The following SLIT2 variants were observed in gnomAD, a reference collection of about 807,000 sequenced individuals.
SLIT2 encodes the protein slit homolog 2 protein.
A neutral mutation model predicts 185.7 loss-of-function variants in SLIT2; 41 were observed. The ratio of observed to expected loss-of-function variants is 0.22; its 90% confidence interval spans 0.17 to 0.29. SLIT2 has a LOEUF of 0.29. Ranked by LOEUF, SLIT2 falls within the 10% of genes least tolerant of loss-of-function variation. The pLI, the probability that SLIT2 is intolerant of heterozygous loss-of-function variation, is 1.00. For synonymous variants in SLIT2, 693 were observed against 680.2 expected (o/e 1.02, Z -0.29); for missense variants, 1,571 against 1,909.0 (o/e 0.82, Z 3.30).
chr4:20,554,399 G>A (rs1358112366), intron 26 of SLIT2: 1 of 454,564 alleles, frequency 2.2e-6, no homozygotes, highest in African/African-American at 2.0e-5. Context: ...CGCCTTATGT[G>A]CTGCAGCCTT....
rs2108998334 is a variant in SLIT2, at chr4:20,252,820, C to G, written c.-996C>G. Among the ~76,000 whole-genome samples the G allele has an allele frequency of 6.6e-6, 1 of 152,318 alleles. No individual in the cohort carries two copies. Among genetic ancestry groups the G allele is most frequent in the South Asian group, 2.1e-4 (1 of 4,830 alleles). On this transcript the variant is annotated 5_prime_UTR_variant, in exon 1 of 37. Transcript: ENST00000504154. ...CCAGCAGGACGCTGACACCTCCAAC[C>G]TTGGCCTTTGCCTTTCCACTCCTTC...
chr4:20,446,971 A>G (rs1394651341), intron 4 of SLIT2, among the ~76,000 whole-genome samples: 1 of 152,224 alleles, frequency 6.6e-6, no homozygotes, highest in Non-Finnish European at 1.5e-5. Flanking sequence ...GAACAAAGGC[A>G]GCAGAGAAAG....
At chr4:20,608,109 C>T (rs544769763) in intron 33 of SLIT2, among the ~76,000 whole-genome samples, 13 of 151,888 alleles carry the variant, frequency 8.6e-5, no homozygotes, top group African/African-American at 2.9e-4. Context: ...GGTGGGGGAC[C>T]GATATGATAG....
At chr4:20,538,801 A>AT (rs1192589930) in intron 18 of SLIT2, among the ~76,000 whole-genome samples, 2 of 145,996 alleles carry the variant, frequency 1.4e-5, no homozygotes, top group Non-Finnish European at 3.1e-5. Context: ...AAAAAAAGGT[A>AT]TTTTTTCATG....
chr4:20,420,760 C>G (rs1421811074), intron 4 of SLIT2, among the ~76,000 whole-genome samples: 1 of 151,996 alleles, frequency 6.6e-6, no homozygotes, highest in Non-Finnish European at 1.5e-5. Context: ...GAGGGGGGTA[C>G]TTGGGAGGCA....
At chr4:20,440,163 G>T (rs1370737817) in intron 4 of SLIT2, among the ~76,000 whole-genome samples, 4 of 147,798 alleles carry the variant, frequency 2.7e-5, no homozygotes, top group African/African-American at 4.9e-5. Flanking sequence ...TGTCATTCTG[G>T]CAGAACATCT....
chr4:20,490,857 T>C, intron 8 of SLIT2: 2 of 1,452,220 alleles, frequency 1.4e-6, no homozygotes, highest in Non-Finnish European at 1.9e-6. Context: ...ATTTTTGTAG[T>C]TTAAGAGCTT....
rs950126183 is a variant in SLIT2 at position 20,567,368 on chromosome 4, C to A, written c.2832C>A (p.Thr944=). ...ATCCAGTTGACTTTTACCGATGCAC[C>A]TGTCCATATGGTTTCAAGGTAAGTA... The part of the protein sequence containing the change: ...NSDPVDFYRC[T]CPYGFKGQDC... Residue 944 remains threonine, a synonymous_variant, in exon 27 of 37, where the codon ACC becomes ACA. Transcript: ENST00000504154. The A allele has an allele frequency of 6.2e-7, 1 of 1,613,212 alleles. No individual in the cohort carries two copies. Among genetic ancestry groups the A allele is most frequent in the African/African-American group, 1.3e-5 (1 of 74,968 alleles).
intron 4 of SLIT2, among the ~76,000 whole-genome samples, chr4:20,306,532 A>T (rs745437638): frequency 2.0e-5 from 3 of 152,200 alleles, no homozygotes; most frequent in Non-Finnish European, 2.9e-5. Flanking sequence ...CAAATTAGGA[A>T]GCTTGAGAAT....
At chr4:20,618,578 C>T (rs1462498497) in intron 36 of SLIT2, among the ~76,000 whole-genome samples, 190 bp from the exon 37 acceptor site, 2 of 152,160 alleles carry the variant, frequency 1.3e-5, no homozygotes, top group African/African-American at 2.4e-5. Context: ...ATAGCATTCA[C>T]TTTGCTGAAA....
chr4:20,492,417 A>G (rs1282680248), intron 9 of SLIT2, among the ~76,000 whole-genome samples: 1 of 152,230 alleles, frequency 6.6e-6, no homozygotes, highest in Non-Finnish European at 1.5e-5. Context: ...GTTTTAGCCT[A>G]TTTGAAGCAG....
At chr4:20,559,357 C>T (rs534700703) in intron 26 of SLIT2, among the ~76,000 whole-genome samples, 2 of 151,912 alleles carry the variant, frequency 1.3e-5, no homozygotes, top group African/African-American at 4.8e-5. Flanking sequence ...GTTGCAGTTG[C>T]GTTTAGAAGA....
chr4:20,385,890 T>C (rs1179064702), intron 4 of SLIT2, among the ~76,000 whole-genome samples: 1 of 152,186 alleles, frequency 6.6e-6, no homozygotes, highest in African/African-American at 2.4e-5. Context: ...CTTATTACTG[T>C]TTTTCTACTT....
chr4:20,472,598 CTA>C lies in SLIT2; in HGVS notation c.467+4778_467+4779del, dbSNP rs373022250. Among the ~76,000 whole-genome samples the C allele has an allele frequency of 1.0e-3, 8 of 7,782 alleles. 3 individuals carry two copies. The highest frequency in any genetic ancestry group is 0.016 in the South Asian group (2 of 124). 5.1% of individuals were successfully genotyped at this position (7,782 alleles called of 152,430 possible). On this transcript the variant is annotated intron_variant, in intron 5 of 36. Transcript: ENST00000504154. ...GATATATCTATATATAGATATATAT[CTA>C]TAGATATATCTATATATATCGATAT...
chr4:20,576,146 A>G (rs968535064), intron 29 of SLIT2, among the ~76,000 whole-genome samples: 3 of 152,236 alleles, frequency 2.0e-5, no homozygotes, highest in Non-Finnish European at 2.9e-5. Flanking sequence ...ATTTAATTCC[A>G]GCCATCATCA....
At chr4:20,373,682 A>T (rs1374467410) in intron 4 of SLIT2, among the ~76,000 whole-genome samples, 1 of 152,066 alleles carries the variant, frequency 6.6e-6, no homozygotes, top group African/African-American at 2.4e-5. Flanking sequence ...TGAGGTGCCA[A>T]ACTCACTTCT....
chr4:20,525,422 T>C (rs1721203015), intron 15 of SLIT2, among the ~76,000 whole-genome samples: 1 of 152,130 alleles, frequency 6.6e-6, no homozygotes, highest in East Asian at 1.9e-4. Flanking sequence ...TTATCTAAAA[T>C]TTCTCACAGT....
chr4:20,619,165 G>GA lies in SLIT2; in HGVS notation c.*156_*157insA. 3 of 690,928 alleles carry GA rather than the reference G, an allele frequency of 4.3e-6. No homozygotes were observed. The highest frequency in any genetic ancestry group is 4.3e-6 in the Non-Finnish European group (2 of 467,616). The allele number at this position is 690,928 out of a possible 1,614,324, so 42.8% of individuals were successfully genotyped here. On this transcript the variant is annotated 3_prime_UTR_variant, in exon 37 of 37. Coordinates refer to ENST00000504154, the MANE Select transcript of SLIT2 (RefSeq NM_004787.4). Reference sequence around the variant, plus strand: ...GAATAAAGACTTTTTTTCTGCATTTGGAAAAAAAAAAAAAGAAATGCTTGA... The same window carrying GA: ...GAATAAAGACTTTTTTTCTGCATTTGAGAAAAAAAAAAAAAGAAATGCTTGA...
intron 4 of SLIT2, among the ~76,000 whole-genome samples, chr4:20,331,274 G>T (rs893159332): frequency 1.3e-5 from 2 of 152,076 alleles, no homozygotes; most frequent in Admixed American, 1.3e-4. Flanking sequence ...GGAGGTAAAA[G>T]AAATTTACAT....
Sources: gnomAD v4.1 joint callset for allele counts (sites outside exome capture counted in the v4.1 genomes callset) on GRCh38, gnomAD v4.1.1 for gene constraint, MANE v1.5 for transcripts, NCBI Gene and HGNC (gene_info 2026-07-23, HGNC 2026-07-21) for gene names.